Variants in PLPPR3 observed in about 807,000 individuals in gnomAD.
The protein encoded by PLPPR3 is phospholipid phosphatase-related protein type 3.
PLPPR3 carries 14 observed loss-of-function variants against 27.3 expected under a neutral mutation model. That is an observed-to-expected ratio of 0.51 (90% CI 0.34 to 0.80). The LOEUF is 0.80. Ranked by LOEUF, PLPPR3 falls within the 30% of genes least tolerant of loss-of-function variation. The pLI, the probability that PLPPR3 is intolerant of heterozygous loss-of-function variation, is 0.01. For missense variants in PLPPR3, 1,287 were observed against 1,056.9 expected, an observed-to-expected ratio of 1.22 and a Z score of -3.02; for synonymous variants, 671 against 508.0, an observed-to-expected ratio of 1.32 and a Z score of -4.32.
chr19:814,912 G>A lies in PLPPR3; in HGVS notation c.573C>T (p.His191=), dbSNP rs769089772. ...PYITQDICSG[H]DIHAILSARK... is the part of the protein sequence containing the mutation. ...GTGCAGACAGGATGGCGTGGATGTCGTGGCCGGAGCAGATGTCCTGCGTGA... is the reference window on the plus strand; with the variant it reads ...GTGCAGACAGGATGGCGTGGATGTCATGGCCGGAGCAGATGTCCTGCGTGA... The change falls in exon 5 of 8, where the codon CAC becomes CAT. Residue 191 remains histidine (H), a synonymous_variant. Transcript: ENST00000520876. 1.5e-5 allele frequency: 24 copies of A among 1,611,464 alleles called. No individual in the cohort carries two copies. The highest frequency in any genetic ancestry group is 5.0e-5 in the Admixed American group (3 of 60,012).
intron 2 of PLPPR3, among the ~76,000 whole-genome samples, chr19:819,539 C>T (rs980785395): frequency 2.0e-5 from 3 of 152,122 alleles, no homozygotes; most frequent in African/African-American, 7.2e-5. Context: ...ATCCGCCCAC[C>T]TCGGCCTCCC....
upstream of PLPPR3, among the ~76,000 whole-genome samples, chr19:822,597 G>A (rs2035165517): frequency 6.6e-6 from 1 of 152,180 alleles, no homozygotes; most frequent in Admixed American, 6.5e-5. Flanking sequence ...GGTGCGCACG[G>A]CGGGATTGCG....
intron 3 of PLPPR3, 130 bp downstream of exon 3, chr19:815,536 A>G: frequency 8.8e-7 from 1 of 1,142,204 alleles, no homozygotes; most frequent in Non-Finnish European, 1.2e-6. Context: ...TGCGGTGCCC[A>G]CAGGCTGGCA....
At chr19:818,492 G>C (rs1023834803) in intron 2 of PLPPR3, among the ~76,000 whole-genome samples, 11 of 152,154 alleles carry the variant, frequency 7.2e-5, no homozygotes, top group Admixed American at 5.9e-4. Context: ...CTTGAGGCCT[G>C]GAGTTCAACG....
chr19:821,814 G>T (rs925884598), intron 1 of PLPPR3, 101 bp downstream of exon 1: 10 of 343,244 alleles, frequency 2.9e-5, no homozygotes, highest in Non-Finnish European at 4.7e-5. Context: ...GTCTCCGGGC[G>T]GGAGCCAGTC....
chr19:820,771 C>T (rs2035131545), intron 2 of PLPPR3, among the ~76,000 whole-genome samples: 1 of 152,176 alleles, frequency 6.6e-6, no homozygotes, highest in Non-Finnish European at 1.5e-5. Flanking sequence ...GATCTGCCCA[C>T]CTCGGCCTCC....
In PLPPR3 at chr19:813,256, G is replaced by T. The variant is rs1438561281; in HGVS notation, c.1471C>A (p.Pro491Thr). Reference sequence around the variant, plus strand: ...TCCTCCGGGATGTGCACCAGCGGCGGCGGCCCCGCGCGCGGTGGGAGGATG... The same window carrying T: ...TCCTCCGGGATGTGCACCAGCGGCGTCGGCCCCGCGCGCGGTGGGAGGATG... ...RVILPPRAGP[P>T]PLVHIPEEGA... The change falls in exon 8 of 8, where the codon CCG (proline) becomes ACG (threonine). Residue 491 changes from proline to threonine, a missense_variant. Transcript: ENST00000520876. The surrounding 1 kb of genome is among the most constrained non-coding windows in gnomAD (Gnocchi z 4.1). The T allele has an allele frequency of 6.8e-7, 1 of 1,471,014 alleles. No individual in the cohort carries two copies. Among genetic ancestry groups the T allele is most frequent in the Admixed American group, 2.5e-5 (1 of 39,998 alleles). 91.1% of individuals were successfully genotyped at this position (1,471,014 alleles called of 1,614,324 possible). A position where few individuals can be genotyped will look rare whatever the true frequency, so the allele number is the denominator to read the frequency against.
chr19:819,178 C>T (rs1430941638), intron 2 of PLPPR3, among the ~76,000 whole-genome samples: 20 of 102,416 alleles, frequency 2.0e-4, no homozygotes, highest in Non-Finnish European at 3.6e-4. Flanking sequence ...GGTTTCACCA[C>T]ATTGGCCAGA....
At chr19:822,604 TGCGGGGC>T (rs1168616849), upstream of PLPPR3, among the ~76,000 whole-genome samples, 2 of 151,992 alleles carry the variant, frequency 1.3e-5, no homozygotes, top group Non-Finnish European at 2.9e-5. Flanking sequence ...ACGGCGGGAT[TGCGGGGC>T]GCGGGGCTGG....
chr19:815,898 G>A (rs766545473), intron 2 of PLPPR3, 47 bp from the exon 3 acceptor site: 41 of 1,587,048 alleles, frequency 2.6e-5, no homozygotes, highest in South Asian at 5.7e-5. Context: ...CCCTCGCGGA[G>A]GCGTCTGTCC....
chr19:823,454 A>AACAAACAAAC (rs1329038557), upstream of PLPPR3, among the ~76,000 whole-genome samples: 2 of 150,264 alleles, frequency 1.3e-5, no homozygotes, highest in African/African-American at 4.9e-5. Context: ...AAAAAAAAAA[A>AACAAACAAAC]AAAACAAACA....
intron 7 of PLPPR3, among the ~76,000 whole-genome samples, chr19:814,223 C>G (rs1398317970): frequency 1.3e-5 from 2 of 150,372 alleles, no homozygotes; most frequent in South Asian, 2.1e-4. Flanking sequence ...TGCCTCCCCC[C>G]TCAGACCCTC....
chr19:813,286 G>A lies in PLPPR3; in HGVS notation c.1441C>T (p.Arg481Trp), dbSNP rs2034974837. 1.4e-6 allele frequency: 2 copies of A among 1,473,408 alleles called. No individual in the cohort carries two copies. The highest frequency in any genetic ancestry group is 1.8e-6 in the Non-Finnish European group (2 of 1,123,304). 91.3% of individuals were successfully genotyped at this position (1,473,408 alleles called of 1,614,324 possible). ...CCCGCGCGCGGTGGGAGGATGACCC[G>A]AGGCCCCAGCCCCGGCCGCGCCTGC... ...TVQARPGLGP[R>W]VILPPRAGPP... The change falls in exon 8 of 8, where the codon CGG becomes TGG. Residue 481 changes from arginine to tryptophan, a missense_variant. Arg to Trp is a moderately radical substitution (Grantham distance 101). Transcript: ENST00000520876. This position sits in a 1 kb window ranked among gnomAD's most constrained non-coding sequence, Gnocchi z 4.1.
chr19:814,929 C>A lies in PLPPR3; in HGVS notation c.556G>T (p.Asp186Tyr). The stretch of plus-strand genomic sequence containing the variant: ...TGGATGTCGTGGCCGGAGCAGATGT[C>A]CTGCGTGATGTAGGGGTTGACCTCG... Reference protein sequence around the residue: ...SCEVNPYITQDICSGHDIHAI... With the variant: ...SCEVNPYITQYICSGHDIHAI... Residue 186 changes from aspartate (D) to tyrosine (Y), a missense_variant, in exon 5 of 8, where the codon GAC becomes TAC. Physicochemically the swap from Asp to Tyr is radical, Grantham distance 160. Transcript: ENST00000520876. The A allele has an allele frequency of 6.2e-7, 1 of 1,612,160 alleles. No individual in the cohort carries two copies. Among genetic ancestry groups the A allele is most frequent in the Non-Finnish European group, 8.5e-7 (1 of 1,179,946 alleles).
At chr19:817,533 T>C (rs527619939) in intron 2 of PLPPR3, among the ~76,000 whole-genome samples, 1 of 152,118 alleles carries the variant, frequency 6.6e-6, no homozygotes, top group South Asian at 2.1e-4. Flanking sequence ...CTCGGCCTCC[T>C]GAAGTGCTGG....
At chr19:814,400 C>T in intron 7 of PLPPR3, 34 bp downstream of exon 7, 4 of 1,560,492 alleles carry the variant, frequency 2.6e-6, no homozygotes, top group Non-Finnish European at 3.5e-6. Flanking sequence ...CCCCTGGGAA[C>T]CCATGCCGAC....
In PLPPR3 at chr19:813,089, C is replaced by T. The variant is rs779123294; in HGVS notation, c.1638G>A (p.Pro546=). 6 of 1,498,654 alleles carry T rather than the reference C, an allele frequency of 4.0e-6. No individual in the cohort carries two copies. The highest frequency in any genetic ancestry group is 3.8e-5 in the South Asian group (3 of 78,806). The allele number at this position is 1,498,654 out of a possible 1,614,324, so 92.8% of individuals were successfully genotyped here. A position where few individuals can be genotyped will look rare whatever the true frequency, so the allele number is the denominator to read the frequency against. Residue 546 remains proline, a synonymous_variant, in exon 8 of 8, where the codon CCG becomes CCA. Transcript: ENST00000520876. The surrounding 1 kb of genome is among the most constrained non-coding windows in gnomAD (Gnocchi z 4.1). ...LLQVIAMSKA[P]GAPGPKAAET... The stretch of plus-strand genomic sequence containing the variant: ...CGGCCGCCTTGGGGCCCGGCGCGCC[C>T]GGAGCCTTGGACATGGCGATGACCT...
Position 815,020 on chromosome 19 carries a change from C to T in PLPPR3, c.465G>A (p.Thr155=), listed in dbSNP as rs776989507. The T allele has an allele frequency of 1.7e-5, 27 of 1,610,880 alleles. No homozygotes were observed. In the Admixed American group the frequency reaches 3.3e-4, roughly 20 times the overall value. Residue 155 remains threonine, a synonymous_variant, in exon 5 of 8, where the codon ACG becomes ACA. Coordinates refer to ENST00000520876, the MANE Select transcript of PLPPR3 (RefSeq NM_001270366.2). ...ALVTDVIQLA[T]GYHTPFFLTV... ...TGAGGAAGAAGGGAGTGTGGTAACC[C>T]GTGGCCAGCTGGATCACGTCCGTCA...
At position 812,753 on chromosome 19, in the gene PLPPR3, G is replaced by A. The variant is rs779810006; in HGVS notation, c.1974C>T (p.Thr658=). 1.5e-5 allele frequency: 16 copies of A among 1,074,318 alleles called. No homozygotes were observed. Among genetic ancestry groups the A allele is most frequent in the Non-Finnish European group, 4.5e-6 (4 of 886,558 alleles). The allele number at this position is 1,074,318 out of a possible 1,614,324, so 66.5% of individuals were successfully genotyped here. The change falls in exon 8 of 8, where the codon ACC becomes ACT. Residue 658 remains threonine (T), a synonymous_variant. Coordinates refer to ENST00000520876, the MANE Select transcript of PLPPR3 (RefSeq NM_001270366.2). ...GCCCCTCGCCCGTGGCCAGGTTGAC[G>A]GTGGCCACGGCCCCGAACCGCGGCT... is the stretch of plus-strand genomic sequence containing the variant. The part of the protein sequence containing the change: ...QEEPRFGAVA[T]VNLATGEGLP...
Sources: gnomAD v4.1 joint callset for allele counts (sites outside exome capture counted in the v4.1 genomes callset) on GRCh38, gnomAD v4.1.1 for gene constraint, Gnocchi (gnomAD v3.1) non-coding constraint, MANE v1.5 for transcripts, NCBI Gene and HGNC (gene_info 2026-07-23, HGNC 2026-07-21) for gene names.